The following FAM186A variants were observed in gnomAD, a reference collection of about 807,000 sequenced individuals.
FAM186A encodes the protein protein FAM186A.
Under a neutral mutation model 216.8 loss-of-function variants are expected in FAM186A, and 163 were observed. The observed-to-expected ratio is 0.75, with a 90% CI of 0.66 to 0.86. The LOEUF (loss-of-function observed/expected upper bound fraction) is 0.86. Ranked by LOEUF, FAM186A falls within the 40% of genes least tolerant of loss-of-function variation. The pLI is 0.00. For missense variants in FAM186A, 2,184 were observed against 2,746.2 expected (o/e 0.80, Z 4.58); for synonymous variants, 805 against 1,025.3 (o/e 0.79, Z 4.10).
At chr12:50,331,261 A>T (rs570389246) in intron 6 of FAM186A, among the ~76,000 whole-genome samples, 3 of 151,746 alleles carry the variant, frequency 2.0e-5, no homozygotes, top group East Asian at 3.9e-4. Flanking sequence ...TTTTTTTTTG[A>T]GACAGAGTTT....
rs1324022210 is a variant in FAM186A at position 50,334,103 on chromosome 12, C to A, written c.6504G>T (p.Arg2168Ser). ...CTTTTAGTCGTTTCATTATGTTGTT[C>A]CTTGAAAAGATTAATAAAAATTAGA... is the stretch of plus-strand genomic sequence containing the variant. ...YIAYRLIQHA[R>S]NNIMKRLKAI... The change falls in exon 5 of 8, where the codon AGG (arginine) becomes AGT (serine). Residue 2168 changes from arginine (R) to serine (S), a missense_variant and splice_region_variant. By Grantham distance (110) the Arg-to-Ser change is moderately radical. Coordinates refer to ENST00000327337, the MANE Select transcript of FAM186A (RefSeq NM_001145475.3). 6.5e-7 allele frequency: 1 copy of A among 1,529,376 alleles called. No homozygotes were observed. Among genetic ancestry groups the A allele is most frequent in the East Asian group, 2.5e-5 (1 of 40,730 alleles). The allele number at this position is 1,529,376 out of a possible 1,614,324, so 94.7% of individuals were successfully genotyped here. A position where few individuals can be genotyped will look rare whatever the true frequency, so the allele number is the denominator to read the frequency against.
intron 4 of FAM186A, among the ~76,000 whole-genome samples, chr12:50,340,158 G>A (rs1365522044): frequency 6.6e-6 from 1 of 151,928 alleles, no homozygotes; most frequent in African/African-American, 2.4e-5. Flanking sequence ...ACTTTTACTG[G>A]TTCTTTGAGG....
intron 1 of FAM186A, among the ~76,000 whole-genome samples, chr12:50,383,304 A>C (rs1190760522): frequency 6.9e-6 from 1 of 145,352 alleles, no homozygotes; most frequent in Non-Finnish European, 1.5e-5. Flanking sequence ...GAAAGAAAAG[A>C]AACGGCTGGA....
At chr12:50,329,727 G>C (rs1209729407) in intron 7 of FAM186A, among the ~76,000 whole-genome samples, 4 of 151,930 alleles carry the variant, frequency 2.6e-5, no homozygotes, top group Non-Finnish European at 5.9e-5. Flanking sequence ...CCTCTGAGTA[G>C]CTGGGATTAC....
Position 50,353,722 on chromosome 12 carries a change from T to A in FAM186A, c.3110A>T (p.Glu1037Val). 1 of 1,547,788 alleles carries A rather than the reference T, an allele frequency of 6.5e-7. No homozygotes were observed. Among genetic ancestry groups the A allele is most frequent in the Non-Finnish European group, 8.7e-7 (1 of 1,145,702 alleles). ...KEFQRNLKTL[E>V]NLPDEKEPIS... ...GGGCTCCTTTTCATCAGGAAGGTTC[T>A]CTAATGTCTTCAGATTCCTCTGAAA... Residue 1037 changes from glutamate (E) to valine (V), a missense_variant, in exon 4 of 8, where the codon GAG (glutamate) becomes GTG (valine). Glu to Val is a moderately radical substitution (Grantham distance 121, BLOSUM62 -2). Transcript: ENST00000327337.
intron 1 of FAM186A, among the ~76,000 whole-genome samples, chr12:50,391,181 G>C (rs1943353571): frequency 6.6e-6 from 1 of 151,458 alleles, no homozygotes; most frequent in African/African-American, 2.4e-5. Flanking sequence ...TAGAGATGGG[G>C]TGTCACCATG....
intron 1 of FAM186A, among the ~76,000 whole-genome samples, chr12:50,373,869 T>C (rs7136996): frequency 0.098 from 14,903 of 151,712 alleles, 1,455 homozygotes; most frequent in East Asian, 0.34. Flanking sequence ...TATTGCAGCA[T>C]TATTCACAAT....
At chr12:50,333,443 A>T (rs974297052) in intron 5 of FAM186A, among the ~76,000 whole-genome samples, 3 of 152,098 alleles carry the variant, frequency 2.0e-5, no homozygotes, top group African/African-American at 7.2e-5. Flanking sequence ...GAATCAGGAG[A>T]ATCTCTTGAA....
rs765299451 is a variant in FAM186A, at chr12:50,354,528, T to C, written c.2304A>G (p.Pro768=). 10 of 1,551,688 alleles carry C rather than the reference T, an allele frequency of 6.4e-6. No homozygotes were observed. The highest frequency in any genetic ancestry group is 8.7e-6 in the Non-Finnish European group (10 of 1,147,002). ...FMPGLHFQKS[P]ISAKSESSTL... is the part of the protein sequence containing the mutation. ...TACTGCTTTCAGATTTTGCACTAAT[T>C]GGTGACTTCTGAAAATGCAATCCTG... Residue 768 remains proline (P), a synonymous_variant, in exon 4 of 8, where the codon CCA becomes CCG. Coordinates refer to ENST00000327337, the MANE Select transcript of FAM186A (RefSeq NM_001145475.3).
chr12:50,378,618 GTATATA>G (rs58153912), intron 1 of FAM186A, among the ~76,000 whole-genome samples: 5 of 137,806 alleles, frequency 3.6e-5, no homozygotes, highest in Admixed American at 7.0e-5. Context: ...TATGTAAATT[GTATATA>G]TATATATATA....
intron 4 of FAM186A, among the ~76,000 whole-genome samples, chr12:50,343,385 T>C (rs2138766206): frequency 6.6e-6 from 1 of 152,274 alleles, no homozygotes; most frequent in East Asian, 1.9e-4. Flanking sequence ...TCAAATCACA[T>C]TATTTAACAA....
chr12:50,363,155 C>T lies in FAM186A; in HGVS notation c.402G>A (p.Leu134=). The T allele has an allele frequency of 6.5e-7, 1 of 1,545,498 alleles. No individual in the cohort carries two copies. Among genetic ancestry groups the T allele is most frequent in the Non-Finnish European group, 8.7e-7 (1 of 1,143,892 alleles). Residue 134 remains leucine, a synonymous_variant, in exon 2 of 8, where the codon TTG becomes TTA. Transcript: ENST00000327337. The part of the protein sequence containing the change: ...EKTLANILAW[L]EEWNDVLSEM... ...CTTCTGTAAACTTACTCCATTCTTC[C>T]AACCAGGCCAGAATGTTGGCAAGAG... is the stretch of plus-strand genomic sequence containing the variant.
chr12:50,363,550 A>G (rs1213236315), intron 1 of FAM186A, among the ~76,000 whole-genome samples, 186 bp from the exon 2 acceptor site: 1 of 152,150 alleles, frequency 6.6e-6, no homozygotes, highest in African/African-American at 2.4e-5. Flanking sequence ...TGCCTTCATC[A>G]TCCTAGCAAT....
intron 4 of FAM186A, among the ~76,000 whole-genome samples, chr12:50,340,770 C>G (rs1449348634): frequency 6.7e-6 from 1 of 149,296 alleles, no homozygotes; most frequent in Admixed American, 6.8e-5. Context: ...TATATGGAAA[C>G]AAATGTCTAA....
chr12:50,383,361 C>T (rs751709268), intron 1 of FAM186A, among the ~76,000 whole-genome samples: 3 of 141,436 alleles, frequency 2.1e-5, no homozygotes, highest in Non-Finnish European at 4.5e-5. Flanking sequence ...CTTTGGGAGG[C>T]GGAAGCACGT....
intron 1 of FAM186A, among the ~76,000 whole-genome samples, chr12:50,379,106 A>G (rs1205761797): frequency 6.6e-6 from 1 of 151,692 alleles, no homozygotes; most frequent in Non-Finnish European, 1.5e-5. Context: ...GGAGTTTGAG[A>G]CCGGCCTGGC....
At chr12:50,328,833 A>G (rs1942629326) in intron 7 of FAM186A, among the ~76,000 whole-genome samples, 1 of 152,112 alleles carries the variant, frequency 6.6e-6, no homozygotes, top group South Asian at 2.1e-4. Flanking sequence ...AAACATGTCC[A>G]GGCCGGGCAC....
chr12:50,380,692 T>TA (rs778024988), intron 1 of FAM186A, among the ~76,000 whole-genome samples: 154 of 138,520 alleles, frequency 1.1e-3, no homozygotes, highest in Middle Eastern at 7.5e-3. Flanking sequence ...TGAGACTGTC[T>TA]AAAAAAAAAA....
intron 5 of FAM186A, among the ~76,000 whole-genome samples, chr12:50,333,528 A>G (rs1326988651): frequency 6.6e-6 from 1 of 152,266 alleles, no homozygotes; most frequent in South Asian, 2.1e-4. Context: ...GACTGTCTCA[A>G]AAAAACGAAA....
Sources: allele counts gnomAD v4.1 joint callset (sites outside exome capture counted in the v4.1 genomes callset), GRCh38; gene constraint gnomAD v4.1.1; transcripts MANE v1.5; gene names NCBI Gene and HGNC (gene_info 2026-07-23, HGNC 2026-07-21).